ZNF704: variants seen among roughly 807,000 people sequenced by gnomAD.
ZNF704 encodes glucocorticoid induced gene 1.
ZNF704 carries 10 observed loss-of-function variants against 44.7 expected under a neutral mutation model. The observed-to-expected ratio is 0.22, with a 90% confidence interval of 0.14 to 0.38. The LOEUF is 0.38. Ranked by LOEUF, ZNF704 falls within the 10% of genes least tolerant of loss-of-function variation. The pLI is 1.00. For synonymous variants in ZNF704, 211 were observed against 207.6 expected (o/e 1.02, Z -0.14); for missense variants, 390 against 545.5 (o/e 0.71, Z 2.84).
At chr8:80,782,601 C>T (rs1418746884) in intron 2 of ZNF704, among the ~76,000 whole-genome samples, 2 of 152,002 alleles carry the variant, frequency 1.3e-5, no homozygotes. Flanking sequence ...TTAAAAGGAA[C>T]GTTAATATAC....
At chr8:80,654,644 C>G (rs990778447) in intron 7 of ZNF704, among the ~76,000 whole-genome samples, 3 of 152,134 alleles carry the variant, frequency 2.0e-5, no homozygotes, top group African/African-American at 7.2e-5. Context: ...CAATGAGATA[C>G]CATCTCACAT....
At chr8:80,880,187 C>G in the ZNF704 span, among the ~76,000 whole-genome samples, 1 of 152,302 alleles carries the variant, frequency 6.6e-6, no homozygotes, top group Non-Finnish European at 1.5e-5. Flanking sequence ...ACCTTGTGAA[C>G]AGGTGCAGAG....
intron 2 of ZNF704, among the ~76,000 whole-genome samples, chr8:80,696,977 A>G (rs1187611167): frequency 6.6e-6 from 1 of 152,146 alleles, no homozygotes; most frequent in Non-Finnish European, 1.5e-5. Flanking sequence ...AGTGCTTCAG[A>G]TTTCAGATTT....
intron 2 of ZNF704, among the ~76,000 whole-genome samples, chr8:80,808,074 G>A (rs2129823075): frequency 6.6e-6 from 1 of 152,290 alleles, no homozygotes; most frequent in East Asian, 1.9e-4. Flanking sequence ...AGGTACAGGA[G>A]GTTCCTGGCC....
intron 1 of ZNF704, among the ~76,000 whole-genome samples, chr8:80,873,138 G>C (rs901873760): frequency 6.6e-6 from 1 of 152,126 alleles, no homozygotes; most frequent in Non-Finnish European, 1.5e-5. Context: ...ATAAGGAGAA[G>C]GGGACACTCC....
At chr8:80,797,593 G>A (rs1277724342) in intron 2 of ZNF704, among the ~76,000 whole-genome samples, 4 of 152,154 alleles carry the variant, frequency 2.6e-5, no homozygotes, top group Non-Finnish European at 5.9e-5. Context: ...TGGTCAAGGA[G>A]TGATGAGGCT....
In ZNF704 at chr8:80,826,811, CA is replaced by C. The variant is rs1808385451; in HGVS notation, c.-21-5197del. Among the ~76,000 whole-genome samples, 8 of 151,998 alleles carry C rather than the reference CA, an allele frequency of 5.3e-5. No individual in the cohort carries two copies. In the South Asian group the frequency reaches 1.7e-3, roughly 32 times the overall value. On this transcript the variant is annotated intron_variant, in intron 1 of 8. Coordinates refer to ENST00000327835, the MANE Select transcript of ZNF704 (RefSeq NM_001033723.3). ...ATGTAATCCATCATATAAACAGAAC[CA>C]AAGAAAAAAACCACATGATTATCTC...
intron 2 of ZNF704, among the ~76,000 whole-genome samples, chr8:80,739,899 T>G (rs956436169): frequency 2.0e-5 from 3 of 152,030 alleles, no homozygotes; most frequent in African/African-American, 7.2e-5. Context: ...GTCCTCCGAG[T>G]CAGAAGCCAC....
At chr8:80,838,921 C>G (rs932082768) in intron 1 of ZNF704, among the ~76,000 whole-genome samples, 1 of 152,148 alleles carries the variant, frequency 6.6e-6, no homozygotes, top group African/African-American at 2.4e-5. Flanking sequence ...TGGAGAGAAA[C>G]AGAAACAGAG....
chr8:80,707,861 T>C (rs1308518216), intron 2 of ZNF704, among the ~76,000 whole-genome samples: 2 of 152,238 alleles, frequency 1.3e-5, no homozygotes, highest in Non-Finnish European at 2.9e-5. Context: ...ATACCTACCA[T>C]GCACAAAATA....
intron 2 of ZNF704, among the ~76,000 whole-genome samples, chr8:80,712,384 C>A (rs1026616504): frequency 1.3e-5 from 2 of 152,082 alleles, no homozygotes; most frequent in African/African-American, 4.8e-5. Context: ...ATAAACCAGA[C>A]AAAGATAGGC....
At chr8:80,864,023 T>G (rs1223425267) in intron 1 of ZNF704, among the ~76,000 whole-genome samples, 2 of 152,196 alleles carry the variant, frequency 1.3e-5, no homozygotes, top group Non-Finnish European at 2.9e-5. Flanking sequence ...ACTGATTTAT[T>G]GAGAAAGGTA....
At chr8:80,757,026 G>A (rs952299578) in intron 2 of ZNF704, among the ~76,000 whole-genome samples, 1 of 152,206 alleles carries the variant, frequency 6.6e-6, no homozygotes, top group Admixed American at 6.5e-5. Flanking sequence ...TAATAGAGCT[G>A]AAAAATTCCT....
intron 2 of ZNF704, among the ~76,000 whole-genome samples, chr8:80,712,005 T>C (rs1230142671): frequency 6.6e-6 from 1 of 152,222 alleles, no homozygotes; most frequent in Non-Finnish European, 1.5e-5. Context: ...TCTGCTATGG[T>C]TTGAATTTGC....
At chr8:80,815,076 T>C (rs905640071) in intron 2 of ZNF704, among the ~76,000 whole-genome samples, 1 of 152,200 alleles carries the variant, frequency 6.6e-6, no homozygotes, top group Non-Finnish European at 1.5e-5. Flanking sequence ...CAAAGGTCAA[T>C]GTGTTTCTGA....
At chr8:80,711,347 G>A (rs1209066656) in intron 2 of ZNF704, among the ~76,000 whole-genome samples, 1 of 152,230 alleles carries the variant, frequency 6.6e-6, no homozygotes, top group African/African-American at 2.4e-5. Flanking sequence ...CGGTCTCATG[G>A]ATATTGGGGT....
At chr8:80,792,362 G>C (rs1198942437) in intron 2 of ZNF704, among the ~76,000 whole-genome samples, 1 of 152,134 alleles carries the variant, frequency 6.6e-6, no homozygotes, top group African/African-American at 2.4e-5. Flanking sequence ...TTTAACACTT[G>C]GAAATATGTA....
intron 5 of ZNF704, among the ~76,000 whole-genome samples, chr8:80,666,991 T>C (rs957116343): frequency 2.0e-5 from 3 of 152,186 alleles, no homozygotes; most frequent in Non-Finnish European, 4.4e-5. Context: ...TTGTCAATTT[T>C]GTCTTTTAAA....
At chr8:80,799,157 A>C (rs537450077) in intron 2 of ZNF704, among the ~76,000 whole-genome samples, 130 of 152,372 alleles carry the variant, frequency 8.5e-4, no homozygotes, top group Non-Finnish European at 1.6e-3. Flanking sequence ...AAGTTTCAAC[A>C]TGAATTTTGA....
Sources: allele counts gnomAD v4.1 joint callset (sites outside exome capture counted in the v4.1 genomes callset), GRCh38; gene constraint gnomAD v4.1.1; transcripts MANE v1.5; gene names NCBI Gene and HGNC (gene_info 2026-07-23, HGNC 2026-07-21).